Variants in UNC80 observed in about 807,000 individuals in gnomAD.
UNC80 encodes the protein unc-80 subunit of NALCN channel complex.
In UNC80, 164 loss-of-function variants were observed where a neutral mutation model predicts 384.6. The observed-to-expected ratio is 0.43, with a 90% CI of 0.38 to 0.49. UNC80 has a LOEUF of 0.49. Among genes scored for constraint, UNC80 ranks in the 20% least tolerant of loss-of-function variants. The probability of loss-of-function intolerance (pLI) is 0.00; values close to 1 mark genes in which losing one functional copy is unlikely to be tolerated. For missense variants in UNC80, 3,330 were observed against 4,143.0 expected, an observed-to-expected ratio of 0.80 and a Z score of 5.39; for synonymous variants, 1,486 against 1,527.8, an observed-to-expected ratio of 0.97 and a Z score of 0.64.
At chr2:209,829,653 T>C (rs1574631141) in intron 15 of UNC80, among the ~76,000 whole-genome samples, 1 of 152,158 alleles carries the variant, frequency 6.6e-6, no homozygotes, top group East Asian at 1.9e-4. Context: ...TCAATTTTTA[T>C]ACTACCACTT....
Position 209,998,671 on chromosome 2 carries a change from T to C in UNC80, c.*3076T>C, listed in dbSNP as rs1414722043. The C allele has an allele frequency of 6.6e-6, 1 of 152,204 alleles. No individual in the cohort carries two copies. The highest frequency in any genetic ancestry group is 1.5e-5 in the Non-Finnish European group (1 of 68,038). The allele number at this position is 152,204 out of a possible 1,614,324, so 9.4% of individuals were successfully genotyped here. On this transcript the variant is annotated 3_prime_UTR_variant, in exon 65 of 65. Coordinates refer to ENST00000673920, the MANE Select transcript of UNC80 (RefSeq NM_001371986.1). ...AGAATAGGATGTGTGTGGAGGGGCT[T>C]TTAGGGAAGAAAGGGTCATAAATGA... is the stretch of plus-strand genomic sequence containing the variant.
At chr2:209,941,939 A>G (rs2091659666) in intron 44 of UNC80, among the ~76,000 whole-genome samples, 2 of 152,228 alleles carry the variant, frequency 1.3e-5, no homozygotes, top group Non-Finnish European at 2.9e-5. Context: ...AGAAAGAGAA[A>G]TGCACATTCT....
At chr2:209,860,525 A>C (rs966760261) in intron 22 of UNC80, among the ~76,000 whole-genome samples, 3 of 152,190 alleles carry the variant, frequency 2.0e-5, no homozygotes, top group East Asian at 1.9e-4. Flanking sequence ...TGTCTTGGCT[A>C]TATGGGGTCT....
At chr2:209,975,735 G>C (rs2125016292) in intron 56 of UNC80, among the ~76,000 whole-genome samples, 1 of 152,316 alleles carries the variant, frequency 6.6e-6, no homozygotes, top group Middle Eastern at 3.4e-3. Context: ...CTAAGAATGT[G>C]AGTGATATGT....
intron 9 of UNC80, 118 bp downstream of exon 9, chr2:209,815,509 C>T (rs368878916): frequency 9.2e-6 from 10 of 1,083,958 alleles, no homozygotes; most frequent in East Asian, 5.2e-5. Flanking sequence ...ACTTAGAAAC[C>T]GAAGTCAGCT....
intron 22 of UNC80, among the ~76,000 whole-genome samples, chr2:209,851,583 C>T (rs189906948): frequency 6.6e-6 from 1 of 152,186 alleles, no homozygotes; most frequent in Non-Finnish European, 1.5e-5. Context: ...TTAGTGATAA[C>T]ACAACAAAAC....
At chr2:209,809,034 C>A in intron 7 of UNC80, 1 of 388,342 alleles carries the variant, frequency 2.6e-6, no homozygotes, top group South Asian at 2.3e-5. Flanking sequence ...AAGAGAGTTT[C>A]AAGGCGGCAG....
In UNC80 at chr2:209,786,116, C is replaced by T. The variant is rs772407405; in HGVS notation, c.651C>T (p.Pro217=). 63 of 1,613,908 alleles carry T rather than the reference C, an allele frequency of 3.9e-5. No individual in the cohort carries two copies. The highest frequency in any genetic ancestry group is 5.3e-5 in the Non-Finnish European group (62 of 1,179,988). ...CCAGTGGGCTTGTTATATGGCAGCCCATGTGGGAACACAGACAGCCCGGAG... is the reference window on the plus strand; with the variant it reads ...CCAGTGGGCTTGTTATATGGCAGCCTATGTGGGAACACAGACAGCCCGGAG... The part of the protein sequence containing the change: ...RLASGLVIWQ[P]MWEHRQPGVS... The change falls in exon 5 of 65, where the codon CCC becomes CCT. Residue 217 remains proline, a synonymous_variant. Coordinates refer to ENST00000673920, the MANE Select transcript of UNC80 (RefSeq NM_001371986.1).
Position 209,936,846 on chromosome 2 carries a change from G to A in UNC80, c.6276G>A (p.Glu2092=), listed in dbSNP as rs1206842662. The stretch of plus-strand genomic sequence containing the variant: ...AAAATTTGTTGCTATTGTTCTAGGA[G>A]TGTCTGGAGTTTTTTAATATCCCAG... The part of the protein sequence containing the change: ...EDTQFEALLK[E]CLEFFNIPES... The change falls in exon 41 of 65, where the codon GAG becomes GAA. Residue 2092 remains glutamate, a splice_region_variant and synonymous_variant. Coordinates refer to ENST00000673920, the MANE Select transcript of UNC80 (RefSeq NM_001371986.1). 6.5e-7 allele frequency: 1 copy of A among 1,543,642 alleles called. No individual in the cohort carries two copies.
intron 5 of UNC80, among the ~76,000 whole-genome samples, 194 bp from the exon 6 acceptor site, chr2:209,789,338 T>C (rs1234273672): frequency 6.6e-6 from 1 of 152,188 alleles, no homozygotes; most frequent in Non-Finnish European, 1.5e-5. Flanking sequence ...GATGAATATC[T>C]ACATCAATAA....
chr2:209,791,068 TC>T, intron 6 of UNC80, among the ~76,000 whole-genome samples: 1 of 152,214 alleles, frequency 6.6e-6, no homozygotes, highest in Non-Finnish European at 1.5e-5. Flanking sequence ...TGTCTTCTTT[TC>T]GTTATGTTGC....
intron 60 of UNC80, among the ~76,000 whole-genome samples, chr2:209,983,127 T>C (rs893402100): frequency 3.9e-5 from 6 of 152,166 alleles, no homozygotes; most frequent in African/African-American, 1.2e-4. Flanking sequence ...TTAATACCTA[T>C]AGATTCATTG....
chr2:209,900,107 C>T (rs1190891721), intron 28 of UNC80, among the ~76,000 whole-genome samples: 1 of 152,222 alleles, frequency 6.6e-6, no homozygotes, highest in East Asian at 1.9e-4. Flanking sequence ...TCATACCCTT[C>T]ATCCTGACTG....
At chr2:209,813,538 C>A in intron 7 of UNC80, 42 bp from the exon 8 acceptor site, 2 of 1,532,560 alleles carry the variant, frequency 1.3e-6, no homozygotes, top group Non-Finnish European at 1.8e-6. Context: ...CCTCTGAAAG[C>A]TTGATTGTCA....
Position 209,926,995 on chromosome 2 carries a change from T to G in UNC80, c.5806+9T>G. 4 of 1,551,392 alleles carry G rather than the reference T, an allele frequency of 2.6e-6. No individual in the cohort carries two copies. The highest frequency in any genetic ancestry group is 3.5e-6 in the Non-Finnish European group (4 of 1,146,776). ...GGAAGATGGAGTAGCAGGTACAGTT[T>G]TGAACAGTCAGATCATCAGTGACAT... On this transcript the variant is annotated intron_variant, in intron 36 of 64. Transcript: ENST00000673920.
intron 60 of UNC80, among the ~76,000 whole-genome samples, chr2:209,983,566 A>C (rs1307747891): frequency 1.3e-5 from 1 of 79,378 alleles, no homozygotes; most frequent in Admixed American, 1.6e-4. Context: ...ACAAGCAGCT[A>C]ATATTGGTAG....
chr2:209,817,949 G>A lies in UNC80; in HGVS notation c.1690G>A (p.Glu564Lys), dbSNP rs1024892203. Residue 564 changes from glutamate (E) to lysine (K), a missense_variant, in exon 11 of 65, where the codon GAA (glutamate) becomes AAA (lysine). Transcript: ENST00000673920. Reference sequence around the variant, plus strand: ...CAGCCATGGAGAAAACACCGTCAAGGAAGGTGGGTAGGAGGTGGGGCCTAC... The same window carrying A: ...CAGCCATGGAGAAAACACCGTCAAGAAAGGTGGGTAGGAGGTGGGGCCTAC... ...SNSHGENTVK[E>K]VRSQISTITV... 1.1e-5 allele frequency: 17 copies of A among 1,551,482 alleles called. No homozygotes were observed. The highest frequency in any genetic ancestry group is 1.4e-5 in the Non-Finnish European group (16 of 1,146,946).
intron 23 of UNC80, 54 bp from the exon 24 acceptor site, chr2:209,877,900 A>C: frequency 1.4e-6 from 2 of 1,455,908 alleles, no homozygotes; most frequent in Non-Finnish European, 1.8e-6. Context: ...GTGAGAGCCT[A>C]TTTTAGAGTT....
chr2:209,967,817 A>G lies in UNC80; in HGVS notation c.8006+180A>G, dbSNP rs2092779785. On this transcript the variant is annotated intron_variant, in intron 52 of 64. Transcript: ENST00000673920. ...TAGCAAAGCCTACATTTTGAGAAAA[A>G]TAACATTTTCTTTAAAAGTATATGT... 5.0e-5 allele frequency: 29 copies of G among 576,506 alleles called. 3 individuals are homozygous for G. In the South Asian group the frequency reaches 6.8e-4, roughly 14 times the overall value. The allele number at this position is 576,506 out of a possible 1,614,324, so 35.7% of individuals were successfully genotyped here. A position where few individuals can be genotyped will look rare whatever the true frequency, so the allele number is the denominator to read the frequency against.
Sources: gnomAD v4.1 joint callset for allele counts (sites outside exome capture counted in the v4.1 genomes callset) on GRCh38, gnomAD v4.1.1 for gene constraint, MANE v1.5 for transcripts, NCBI Gene and HGNC (gene_info 2026-07-23, HGNC 2026-07-21) for gene names.